Variants in PHC1 observed in about 807,000 individuals in gnomAD.
The protein encoded by PHC1 is polyhomeotic homolog 1.
A neutral mutation model predicts 104.3 loss-of-function variants in PHC1; 12 were observed. The observed-to-expected ratio is 0.12, with a 90% CI of 0.07 to 0.19. The LOEUF (loss-of-function observed/expected upper bound fraction) is 0.19. Among genes scored for constraint, PHC1 ranks in the 10% least tolerant of loss-of-function variants. PHC1 has a pLI of 1.00. For missense variants in PHC1, 671 were observed against 1,200.0 expected, an observed-to-expected ratio of 0.56 and a Z score of 6.51; for synonymous variants, 302 against 455.8, an observed-to-expected ratio of 0.66 and a Z score of 4.30.
intron 6 of PHC1, among the ~76,000 whole-genome samples, chr12:8,924,944 G>T (rs975838663): frequency 2.0e-5 from 3 of 152,228 alleles, no homozygotes; most frequent in African/African-American, 4.8e-5. Context: ...TCATCTAGCT[G>T]TAAGGCAAGT....
intron 6 of PHC1, among the ~76,000 whole-genome samples, chr12:8,923,142 T>A (rs955990329): frequency 5.9e-5 from 9 of 152,184 alleles, no homozygotes; most frequent in Non-Finnish European, 1.3e-4. Flanking sequence ...TTGAGAGAAT[T>A]CTTCTGTTAG....
rs1335626342 is a variant in PHC1, at chr12:8,914,624, G to A, written c.-252G>A. 6.6e-6 allele frequency: 1 copy of A among 150,442 alleles called. No individual in the cohort carries two copies. The allele number at this position is 150,442 out of a possible 1,614,324, so 9.3% of individuals were successfully genotyped here. A position where few individuals can be genotyped will look rare whatever the true frequency, so the allele number is the denominator to read the frequency against. On this transcript the variant is annotated 5_prime_UTR_variant, in exon 1 of 15. Transcript: ENST00000544916. ...AGCCGCGGCCGGGCCCGCACCCGGA[G>A]CGGCGGGAGGGGCGGGGAGCCGCGG...
chr12:8,930,529 C>G lies in PHC1; in HGVS notation c.707C>G (p.Pro236Arg), dbSNP rs767007257. ...TQKAIPPGAS[P>R]VSSLSQASSQ... ...AAGGCCATTCCTCCAGGAGCCTCCCCTGTCTCTAGCCTCTCCCAGGCCTCT... is the reference window on the plus strand; with the variant it reads ...AAGGCCATTCCTCCAGGAGCCTCCCGTGTCTCTAGCCTCTCCCAGGCCTCT... The change falls in exon 7 of 15, where the codon CCT becomes CGT. Residue 236 changes from proline (P) to arginine (R), a missense_variant. Coordinates refer to ENST00000544916, the MANE Select transcript of PHC1 (RefSeq NM_004426.3). 1 of 1,558,128 alleles carries G rather than the reference C, an allele frequency of 6.4e-7. No homozygotes were observed. Among genetic ancestry groups the G allele is most frequent in the Non-Finnish European group, 8.7e-7 (1 of 1,151,152 alleles).
At chr12:8,935,917 C>CGT (rs2137129969) in intron 11 of PHC1, among the ~76,000 whole-genome samples, 1 of 152,110 alleles carries the variant, frequency 6.6e-6, no homozygotes, top group East Asian at 2.0e-4. Flanking sequence ...TGCGCCACCA[C>CGT]GCCTGGCTAA....
At chr12:8,915,559 T>TGCCC (rs2137044780) in intron 1 of PHC1, among the ~76,000 whole-genome samples, 1 of 152,316 alleles carries the variant, frequency 6.6e-6, no homozygotes, top group African/African-American at 2.4e-5. Context: ...ACCCCATGTA[T>TGCCC]GCCCACATGC....
intron 6 of PHC1, among the ~76,000 whole-genome samples, 191 bp downstream of exon 6, chr12:8,922,979 C>T (rs1048227632): frequency 6.6e-6 from 1 of 152,156 alleles, no homozygotes; most frequent in Non-Finnish European, 1.5e-5. Context: ...GTTAGAAAGA[C>T]AAGGAGATTT....
At chr12:8,921,801 CTGGCAAAGACTTGAGTGA>C in intron 5 of PHC1, 51 bp downstream of exon 5, 6 of 1,500,158 alleles carry the variant, frequency 4.0e-6, no homozygotes, top group Non-Finnish European at 5.4e-6. Context: ...TTGTCTGGCC[CTGGCAAAGACTTGAGTGA>C]AAGCTTTTTT....
Position 8,940,026 on chromosome 12 carries a change from T to G in PHC1, c.*567T>G, listed in dbSNP as rs1945963663. Reference sequence around the variant, plus strand: ...CATCCATGGCAGGATCCCCAGCCAGTATAGAGACTTGGTTGGCATCTTCTG... The same window carrying G: ...CATCCATGGCAGGATCCCCAGCCAGGATAGAGACTTGGTTGGCATCTTCTG... On this transcript the variant is annotated 3_prime_UTR_variant, in exon 15 of 15. Coordinates refer to ENST00000544916, the MANE Select transcript of PHC1 (RefSeq NM_004426.3). 2.6e-6 allele frequency: 1 copy of G among 379,544 alleles called. No individual in the cohort carries two copies. Among genetic ancestry groups the G allele is most frequent in the African/African-American group, 2.1e-5 (1 of 47,358 alleles). 23.5% of individuals were successfully genotyped at this position (379,544 alleles called of 1,614,324 possible). A position where few individuals can be genotyped will look rare whatever the true frequency, so the allele number is the denominator to read the frequency against.
intron 14 of PHC1, 70 bp from the exon 15 acceptor site, chr12:8,939,234 AC>A (rs765770143): frequency 1.5e-4 from 232 of 1,560,690 alleles, no homozygotes; most frequent in Non-Finnish European, 2.0e-4. Context: ...TCATTGCTAG[AC>A]CTCAGTTTCA....
chr12:8,927,466 A>G (rs1011350517), intron 6 of PHC1, among the ~76,000 whole-genome samples: 5 of 152,156 alleles, frequency 3.3e-5, no homozygotes, highest in Non-Finnish European at 2.9e-5. Flanking sequence ...GGTGGAATAT[A>G]GAGTGCAGAG....
chr12:8,915,327 C>T (rs1385000321), intron 1 of PHC1: 1 of 152,126 alleles, frequency 6.6e-6, no homozygotes, highest in African/African-American at 2.4e-5. Flanking sequence ...AGAACGAGGA[C>T]CCTTGGGCGT....
intron 6 of PHC1, among the ~76,000 whole-genome samples, chr12:8,928,416 G>A (rs971768292): frequency 1.6e-5 from 2 of 128,230 alleles, no homozygotes; most frequent in East Asian, 2.3e-4. Flanking sequence ...TGTTGGTCTC[G>A]TCATAACCTG....
intron 11 of PHC1, among the ~76,000 whole-genome samples, chr12:8,936,409 T>G (rs1945839845): frequency 6.6e-6 from 1 of 152,126 alleles, no homozygotes. Flanking sequence ...AAAGATGATC[T>G]AAAATAGGAC....
chr12:8,919,971 A>T lies in PHC1; in HGVS notation c.225+105A>T. 6 of 1,499,216 alleles carry T rather than the reference A, an allele frequency of 4.0e-6. No homozygotes were observed. The allele number at this position is 1,499,216 out of a possible 1,614,324, so 92.9% of individuals were successfully genotyped here. A position where few individuals can be genotyped will look rare whatever the true frequency, so the allele number is the denominator to read the frequency against. On this transcript the variant is annotated intron_variant, in intron 3 of 14. Coordinates refer to ENST00000544916, the MANE Select transcript of PHC1 (RefSeq NM_004426.3). This position sits in a 1 kb window ranked among gnomAD's most constrained non-coding sequence, Gnocchi z 4.9. ...AGCATCCTATACTAAGCCAGGCTGC[A>T]GACAGCCTCCTCCGCCTCCTGTCCT...
intron 6 of PHC1, among the ~76,000 whole-genome samples, chr12:8,924,580 T>G (rs769721440): frequency 6.6e-6 from 1 of 152,342 alleles, no homozygotes; most frequent in South Asian, 2.1e-4. Flanking sequence ...TTGGGATACT[T>G]GAGCAGAGTC....
In PHC1 at chr12:8,930,425, T is replaced by G. The variant is rs1945648966; in HGVS notation, c.613-10T>G. The G allele has an allele frequency of 6.2e-7, 1 of 1,608,720 alleles. No individual in the cohort carries two copies. Among genetic ancestry groups the G allele is most frequent in the African/African-American group, 1.3e-5 (1 of 74,744 alleles). On this transcript the variant is annotated splice_polypyrimidine_tract_variant and intron_variant, in intron 6 of 14. Transcript: ENST00000544916. ...CTCCTTTTCTCAATCTGTTTTTTCGTATCTTTCAGGTTCAGAACTTGGCAG... is the reference window on the plus strand; with the variant it reads ...CTCCTTTTCTCAATCTGTTTTTTCGGATCTTTCAGGTTCAGAACTTGGCAG...
upstream of PHC1, chr12:8,913,970 A>G (rs1253648357): frequency 1.3e-5 from 2 of 152,422 alleles, no homozygotes; most frequent in Non-Finnish European, 2.9e-5. Context: ...TAAACAATCA[A>G]CCTTCTCTCT....
intron 2 of PHC1, among the ~76,000 whole-genome samples, chr12:8,918,822 A>G (rs1945275936): frequency 6.6e-6 from 1 of 152,158 alleles, no homozygotes; most frequent in African/African-American, 2.4e-5. Context: ...AATGACAGGA[A>G]CGCGTTTTGA....
chr12:8,933,942 A>C lies in PHC1; in HGVS notation c.1971A>C (p.Ser657=), dbSNP rs748355913. The part of the protein sequence containing the change: ...EERDDVSTLG[S]MLPAKASPVA... ...GAGATGATGTCTCCACATTGGGTTC[A>C]ATGCTTCCTGCCAAGGCATCTCCAG... The change falls in exon 9 of 15, where the codon TCA becomes TCC. Residue 657 remains serine, a synonymous_variant. Transcript: ENST00000544916. The C allele has an allele frequency of 6.2e-7, 1 of 1,613,434 alleles. No homozygotes were observed. The highest frequency in any genetic ancestry group is 1.1e-5 in the South Asian group (1 of 91,072).
Sources: gnomAD v4.1 joint callset for allele counts (sites outside exome capture counted in the v4.1 genomes callset) on GRCh38, gnomAD v4.1.1 for gene constraint, Gnocchi (gnomAD v3.1) non-coding constraint, MANE v1.5 for transcripts, NCBI Gene and HGNC (gene_info 2026-07-23, HGNC 2026-07-21) for gene names.